SUCLA2: variants seen among roughly 807,000 people sequenced by gnomAD.
SUCLA2 encodes the protein succinate-CoA ligase ADP-forming subunit beta, also known as succinate--CoA ligase [ADP-forming] subunit beta, mitochondrial.
In SUCLA2, 30 loss-of-function variants were observed where a neutral mutation model predicts 54.8. The observed-to-expected ratio is 0.55, with a 90% confidence interval of 0.41 to 0.74. The LOEUF is 0.74. SUCLA2 is among the 30% of genes least tolerant of loss of function. SUCLA2 has a pLI of 0.00. For synonymous variants in SUCLA2, 172 were observed against 188.9 expected, an observed-to-expected ratio of 0.91 and a Z score of 0.74; for missense variants, 476 against 562.9, an observed-to-expected ratio of 0.85 and a Z score of 1.56.
At chr13:47,949,056 G>A (rs1422011411) in intron 9 of SUCLA2, 28 bp from the exon 10 acceptor site, 3 of 1,599,326 alleles carry the variant, frequency 1.9e-6, no homozygotes, top group Non-Finnish European at 2.6e-6. Flanking sequence ...AAATATAAAT[G>A]TTTTAAATAC....
At chr13:47,976,286 C>A (rs1417905946) in intron 4 of SUCLA2, among the ~76,000 whole-genome samples, 3 of 152,074 alleles carry the variant, frequency 2.0e-5, no homozygotes, top group Non-Finnish European at 4.4e-5. Flanking sequence ...AGTCACAGTA[C>A]CCCAGGTAAG....
intron 6 of SUCLA2, among the ~76,000 whole-genome samples, chr13:47,965,936 T>C (rs1457781119): frequency 2.0e-5 from 3 of 152,288 alleles, no homozygotes; most frequent in East Asian, 3.9e-4. Context: ...TAGTCCCAGC[T>C]ACTCGGCAAG....
intron 4 of SUCLA2, among the ~76,000 whole-genome samples, chr13:47,984,973 G>C (rs1018974858): frequency 6.6e-6 from 1 of 152,074 alleles, no homozygotes; most frequent in Non-Finnish European, 1.5e-5. Flanking sequence ...TTATTAAATA[G>C]ACTTGACTCA....
At chr13:47,948,365 ATG>A (rs1451016527) in intron 10 of SUCLA2, among the ~76,000 whole-genome samples, 1 of 151,836 alleles carries the variant, frequency 6.6e-6, no homozygotes, top group Non-Finnish European at 1.5e-5. Context: ...ATATGCGTGC[ATG>A]TGTGTGTGCG....
chr13:47,974,122 A>T (rs1949989944), intron 4 of SUCLA2, among the ~76,000 whole-genome samples: 1 of 152,138 alleles, frequency 6.6e-6, no homozygotes, highest in South Asian at 2.1e-4. Context: ...AACACCAAAT[A>T]TGTAAACATA....
chr13:47,948,389 G>A (rs1949751310), intron 10 of SUCLA2, among the ~76,000 whole-genome samples: 1 of 145,616 alleles, frequency 6.9e-6, no homozygotes, highest in Non-Finnish European at 1.5e-5. Flanking sequence ...GCATGTGTGT[G>A]TGCGCACATG....
chr13:47,986,078 G>A (rs929117931), intron 4 of SUCLA2, among the ~76,000 whole-genome samples: 7 of 137,598 alleles, frequency 5.1e-5, no homozygotes, highest in South Asian at 2.4e-4. Flanking sequence ...TCGCCCAGAC[G>A]GGAGTGCAGT....
intron 6 of SUCLA2, among the ~76,000 whole-genome samples, chr13:47,960,192 G>A (rs972909473): frequency 6.6e-6 from 1 of 152,144 alleles, no homozygotes; most frequent in Non-Finnish European, 1.5e-5. Context: ...TTGTTCTCCT[G>A]TGGGTTTTGC....
At chr13:47,962,940 CA>C (rs531989151) in intron 6 of SUCLA2, among the ~76,000 whole-genome samples, 49 of 152,270 alleles carry the variant, frequency 3.2e-4, no homozygotes, top group African/African-American at 1.1e-3. Flanking sequence ...TCACCACATC[CA>C]GACAATGAGA....
chr13:47,990,856 T>C (rs1046212924), intron 2 of SUCLA2, among the ~76,000 whole-genome samples: 1 of 152,166 alleles, frequency 6.6e-6, no homozygotes. Flanking sequence ...GTTTACACAT[T>C]AACAATTATT....
intron 8 of SUCLA2, 77 bp downstream of exon 8, chr13:47,954,063 C>T (rs1466579746): frequency 8.4e-7 from 1 of 1,189,408 alleles, no homozygotes; most frequent in Non-Finnish European, 1.1e-6. Flanking sequence ...AATTCTAAAA[C>T]ATAAAAATAT....
intron 10 of SUCLA2, among the ~76,000 whole-genome samples, chr13:47,946,187 T>G (rs1949730055): frequency 6.6e-6 from 1 of 152,220 alleles, no homozygotes; most frequent in Non-Finnish European, 1.5e-5. Flanking sequence ...TTGTTCTACT[T>G]TATTATTAGT....
At chr13:47,971,770 A>T (rs9534888) in intron 5 of SUCLA2, 2 of 396,726 alleles carry the variant, frequency 5.0e-6, no homozygotes, top group East Asian at 3.6e-5. Flanking sequence ...TTTACAGAAA[A>T]TAAAGGGGAC....
chr13:47,968,364 C>T lies in SUCLA2; in HGVS notation c.802+231G>A, dbSNP rs145753357. Among the ~76,000 whole-genome samples the T allele has an allele frequency of 6.5e-4, 99 of 152,242 alleles. 1 individual carries two copies. Among genetic ancestry groups the T allele is most frequent in the Non-Finnish European group, 5.9e-5 (4 of 68,000 alleles). The stretch of plus-strand genomic sequence containing the variant: ...AGTACAGTTCCGACCCCTCTGTGCA[C>T]GTCTCTATAAGGTGTTTGTTTTATT... On this transcript the variant is annotated intron_variant, in intron 6 of 10. Coordinates refer to ENST00000646932, the MANE Select transcript of SUCLA2 (RefSeq NM_003850.3).
At chr13:47,968,884 T>C in intron 5 of SUCLA2, 151 bp from the exon 6 acceptor site, 1 of 904,132 alleles carries the variant, frequency 1.1e-6, no homozygotes, top group Non-Finnish European at 1.6e-6. Flanking sequence ...CATTACTAAA[T>C]GGTTAAACAA....
At chr13:47,984,035 T>A (rs1490283247) in intron 4 of SUCLA2, among the ~76,000 whole-genome samples, 5 of 152,198 alleles carry the variant, frequency 3.3e-5, no homozygotes, top group Admixed American at 2.0e-4. Flanking sequence ...CGTTAAACAA[T>A]GACTATAGTT....
Position 47,966,511 on chromosome 13 carries a change from G to C in SUCLA2, c.802+2084C>G, listed in dbSNP as rs74074336. On this transcript the variant is annotated intron_variant, in intron 6 of 10. Transcript: ENST00000646932. ...TTAAGTTAGATAGGCTGGTGCAAAA[G>C]TAATTGCCGTTTTTAAAAAAAAAAA... 2.6e-3 allele frequency among the ~76,000 whole-genome samples: 315 copies of C among 119,822 alleles called. 3 individuals are homozygous for C. Among genetic ancestry groups the C allele is most frequent in the African/African-American group, 9.0e-3 (293 of 32,548 alleles). 78.6% of individuals were successfully genotyped at this position (119,822 alleles called of 152,430 possible).
At chr13:47,966,039 C>T (rs1200864588) in intron 6 of SUCLA2, among the ~76,000 whole-genome samples, 2 of 152,142 alleles carry the variant, frequency 1.3e-5, no homozygotes, top group African/African-American at 4.8e-5. Context: ...CAGAGCAAGA[C>T]TCTGTCTCAA....
At chr13:47,944,590 CCTA>C (rs1207110396) in intron 10 of SUCLA2, among the ~76,000 whole-genome samples, 1 of 152,134 alleles carries the variant, frequency 6.6e-6, no homozygotes, top group Admixed American at 6.5e-5. Context: ...TAGATGGACT[CCTA>C]CTATCTCTCC....
Sources: allele counts gnomAD v4.1 joint callset (sites outside exome capture counted in the v4.1 genomes callset), GRCh38; gene constraint gnomAD v4.1.1; transcripts MANE v1.5; gene names NCBI Gene and HGNC (gene_info 2026-07-23, HGNC 2026-07-21).